Variants in GSDMC observed in about 807,000 individuals in gnomAD.
GSDMC encodes gasdermin-C.
In GSDMC, 59 loss-of-function variants were observed where a neutral mutation model predicts 58.0. That is an observed-to-expected ratio of 1.02 (90% confidence interval 0.82 to 1.26). The LOEUF is 1.26. Among genes scored for constraint, GSDMC ranks in the 50% most tolerant of loss-of-function variants. The pLI, the probability that GSDMC is intolerant of heterozygous loss-of-function variation, is 0.00. For missense variants in GSDMC, 659 were observed against 598.5 expected, an observed-to-expected ratio of 1.10 and a Z score of -1.06; for synonymous variants, 241 against 220.2, an observed-to-expected ratio of 1.09 and a Z score of -0.83.
the GSDMC span, among the ~76,000 whole-genome samples, chr8:129,717,590 C>A: frequency 1.3e-5 from 2 of 152,132 alleles, no homozygotes; most frequent in African/African-American, 2.4e-5. Context: ...AATGGCCACA[C>A]TGCCCAAAGT....
At chr8:129,727,261 A>G in the GSDMC span, among the ~76,000 whole-genome samples, 7 of 152,104 alleles carry the variant, frequency 4.6e-5, no homozygotes, top group Non-Finnish European at 8.8e-5. Flanking sequence ...TTTTTTCAAG[A>G]TGGTGGATTA....
chr8:129,764,868 A>C (rs997158279), intron 4 of GSDMC, among the ~76,000 whole-genome samples: 1 of 152,120 alleles, frequency 6.6e-6, no homozygotes, highest in Non-Finnish European at 1.5e-5. Context: ...TCTTGTTTCT[A>C]GACTTTCTTC....
the GSDMC span, among the ~76,000 whole-genome samples, chr8:129,737,812 A>G: frequency 2.0e-5 from 3 of 152,314 alleles, no homozygotes; most frequent in East Asian, 5.8e-4. Flanking sequence ...ATAGACAAAT[A>G]GGATCTAATT....
the GSDMC span, among the ~76,000 whole-genome samples, chr8:129,726,441 A>AT: frequency 6.6e-6 from 1 of 152,204 alleles, no homozygotes; most frequent in Non-Finnish European, 1.5e-5. Flanking sequence ...GTCCGGAAGC[A>AT]TATAAAGGAG....
At chr8:129,717,272 TA>T in the GSDMC span, among the ~76,000 whole-genome samples, 52 of 123,680 alleles carry the variant, frequency 4.2e-4, no homozygotes, top group East Asian at 1.2e-3. Context: ...TTTTTTTTTT[TA>T]TTGGTAGGCT....
the GSDMC span, among the ~76,000 whole-genome samples, chr8:129,726,999 T>TACACAC: frequency 0.082 from 7,619 of 92,978 alleles, 247 homozygotes; most frequent in East Asian, 0.13. Flanking sequence ...CCAATACACA[T>TACACAC]ACACACACAC....
At chr8:129,737,796 G>A in the GSDMC span, among the ~76,000 whole-genome samples, 3,786 of 152,272 alleles carry the variant, frequency 0.025, 65 homozygotes, top group Middle Eastern at 0.14. Context: ...GGCAACAAAA[G>A]CCAAAATAGA....
At chr8:129,777,088 A>G (rs962265441) in intron 2 of GSDMC, among the ~76,000 whole-genome samples, 1 of 152,156 alleles carries the variant, frequency 6.6e-6, no homozygotes, top group African/African-American at 2.4e-5. Flanking sequence ...CATAACTTTG[A>G]ACAGATAATT....
At chr8:129,748,857 C>T in intron 13 of GSDMC, 117 bp from the exon 14 acceptor site, 1 of 744,818 alleles carries the variant, frequency 1.3e-6, no homozygotes, top group Admixed American at 3.7e-5. Flanking sequence ...CTTTGGGATC[C>T]AGCGGACCAG....
rs765903577 is a variant in GSDMC, at chr8:129,748,662, G to T, written c.1366C>A (p.Leu456Ile). The change falls in exon 14 of 14, where the codon CTC (leucine) becomes ATC (isoleucine). Residue 456 changes from leucine to isoleucine, a missense_variant. By Grantham distance (5) the Leu-to-Ile change is conservative (BLOSUM62 2). Transcript: ENST00000276708. ...GTGATGGCCAAACCCTCACTCTGGA[G>T]TGGGGCGAGGAGCTCAGGTTTGAGG... is the stretch of plus-strand genomic sequence containing the variant. Reference protein sequence around the residue: ...FTLKPELLAPLQSEGLAITYG... With the variant: ...FTLKPELLAPIQSEGLAITYG... 1.2e-6 allele frequency: 2 copies of T among 1,609,566 alleles called. No homozygotes were observed. Among genetic ancestry groups the T allele is most frequent in the African/African-American group, 2.7e-5 (2 of 74,622 alleles).
intron 4 of GSDMC, 40 bp downstream of exon 4, chr8:129,765,588 T>C: frequency 1.3e-6 from 2 of 1,503,256 alleles, no homozygotes. Flanking sequence ...ACTGGCTGTA[T>C]TTTTTTGAAT....
chr8:129,752,209 C>G, intron 7 of GSDMC, 62 bp from the exon 8 acceptor site: 7 of 1,265,204 alleles, frequency 5.5e-6, no homozygotes, highest in Non-Finnish European at 8.0e-6. Flanking sequence ...TTTTCCTCCT[C>G]TACTTCTTTC....
At chr8:129,784,803 T>C (rs2034512270) in intron 1 of GSDMC, among the ~76,000 whole-genome samples, 2 of 152,332 alleles carry the variant, frequency 1.3e-5, no homozygotes, top group South Asian at 4.1e-4. Flanking sequence ...CCCATGTTTG[T>C]TGCAGCACTG....
In GSDMC at chr8:129,752,728, C is replaced by G. The variant is rs753886861; in HGVS notation, c.814G>C (p.Ala272Pro). Residue 272 changes from alanine (A) to proline (P), a missense_variant, in exon 7 of 14, where the codon GCC (alanine) becomes CCC (proline). Coordinates refer to ENST00000276708, the MANE Select transcript of GSDMC (RefSeq NM_031415.3). ...TTTAACTTCATATCATTGGATGAGGCATTGAAGAGGGTTGGAGAGATGGTA... is the reference window on the plus strand; with the variant it reads ...TTTAACTTCATATCATTGGATGAGGGATTGAAGAGGGTTGGAGAGATGGTA... ...FHTISPTLFNASSNDMKLKPE... is the reference protein window; with the variant it reads ...FHTISPTLFNPSSNDMKLKPE... The G allele has an allele frequency of 2.5e-6, 4 of 1,614,024 alleles. No individual in the cohort carries two copies. Among genetic ancestry groups the G allele is most frequent in the Middle Eastern group, 3.3e-4 (2 of 6,084 alleles).
chr8:129,729,145 G>A, the GSDMC span: 10 of 662,592 alleles, frequency 1.5e-5, no homozygotes, highest in East Asian at 2.9e-4. Context: ...GAAGACAGGA[G>A]GCAATGTTGT....
intron 1 of GSDMC, among the ~76,000 whole-genome samples, chr8:129,781,733 G>A (rs2034420385): frequency 7.4e-6 from 1 of 136,024 alleles, no homozygotes; most frequent in African/African-American, 3.0e-5. Context: ...CTGGGTGACA[G>A]AGCGAGACTC....
chr8:129,752,161 G>T lies in GSDMC; in HGVS notation c.845-14C>A, dbSNP rs1362476529. The T allele has an allele frequency of 3.7e-6, 6 of 1,609,652 alleles. No individual in the cohort carries two copies. The highest frequency in any genetic ancestry group is 1.7e-5 in the Admixed American group (1 of 59,914). On this transcript the variant is annotated splice_polypyrimidine_tract_variant and intron_variant, in intron 7 of 13. Transcript: ENST00000276708. ...TCAGAAATAGCTCTGGAAAGAGAAAGAAAAGTGTTTACTCACCAAACATTA... is the reference window on the plus strand; with the variant it reads ...TCAGAAATAGCTCTGGAAAGAGAAATAAAAGTGTTTACTCACCAAACATTA...
chr8:129,714,114 A>G, the GSDMC span, among the ~76,000 whole-genome samples: 1 of 152,208 alleles, frequency 6.6e-6, no homozygotes, highest in Admixed American at 6.5e-5. Flanking sequence ...AGCAATTGGC[A>G]ACAGAGCTTC....
the GSDMC span, among the ~76,000 whole-genome samples, chr8:129,723,441 T>G: frequency 1.8e-5 from 2 of 112,076 alleles, no homozygotes; most frequent in East Asian, 5.3e-4. Context: ...TTTTTTTTTG[T>G]ATTTTTAGTA....
Sources: gnomAD v4.1 joint callset for allele counts (sites outside exome capture counted in the v4.1 genomes callset) on GRCh38, gnomAD v4.1.1 for gene constraint, MANE v1.5 for transcripts, NCBI Gene and HGNC (gene_info 2026-07-23, HGNC 2026-07-21) for gene names.